The following WNK2 variants were observed in gnomAD, a reference collection of about 807,000 sequenced individuals.
WNK2 encodes the protein serine/threonine-protein kinase WNK2.
Under a neutral mutation model 192.1 loss-of-function variants are expected in WNK2, and 67 were observed. That is an observed-to-expected ratio of 0.35 (90% CI 0.29 to 0.43). The LOEUF (loss-of-function observed/expected upper bound fraction) is 0.43, where lower values mean the gene tolerates loss of function less well. WNK2 is among the 20% of genes least tolerant of loss of function. The pLI is 1.00. For missense variants in WNK2, 2,698 were observed against 3,089.7 expected, an observed-to-expected ratio of 0.87 and a Z score of 3.01; for synonymous variants, 1,439 against 1,393.9, an observed-to-expected ratio of 1.03 and a Z score of -0.72.
At position 93,292,574 on chromosome 9, in the gene WNK2, C is replaced by T. The variant is rs775933596; in HGVS notation, c.5109C>T (p.Pro1703=). 1.9e-6 allele frequency: 3 copies of T among 1,571,066 alleles called. No homozygotes were observed. The South Asian group carries it at 3.5e-5, about 19-fold the overall frequency. Reference sequence around the variant, plus strand: ...AAGCTGGAGAAAGCTCGGCAGAGCCCCCGCCGAGTGACATGGGCACAGTGG... The same window carrying T: ...AAGCTGGAGAAAGCTCGGCAGAGCCTCCGCCGAGTGACATGGGCACAGTGG... ...GGEAGESSAE[P]PPSDMGTVGG... is the part of the protein sequence containing the mutation. The change falls in exon 23 of 30, where the codon CCC becomes CCT. Residue 1703 remains proline (P), a synonymous_variant. Transcript: ENST00000427277.
chr9:93,289,300 A>G lies in WNK2; in HGVS notation c.4546A>G (p.Ser1516Gly). Reference sequence around the variant, plus strand: ...CAGCCTGGCCACCTCCCAGCTCCCAAGCCCACCCCTGGGGCCCACCGTCCC... The same window carrying G: ...CAGCCTGGCCACCTCCCAGCTCCCAGGCCCACCCCTGGGGCCCACCGTCCC... Reference protein sequence around the residue: ...AVSLATSQLPSPPLGPTVPPQ... With the variant: ...AVSLATSQLPGPPLGPTVPPQ... Residue 1516 changes from serine to glycine, a missense_variant, in exon 20 of 30, where the codon AGC becomes GGC. Ser to Gly is a moderately conservative substitution (Grantham distance 56). Transcript: ENST00000427277. 6.3e-7 allele frequency: 1 copy of G among 1,599,310 alleles called. No individual in the cohort carries two copies. Among genetic ancestry groups the G allele is most frequent in the Non-Finnish European group, 8.5e-7 (1 of 1,173,838 alleles).
chr9:93,317,354 C>T, intron 28 of WNK2, 166 bp from the exon 29 acceptor site: 1 of 658,286 alleles, frequency 1.5e-6, no homozygotes, highest in Non-Finnish European at 2.6e-6. Flanking sequence ...GTTCCTGGCC[C>T]CACACCATCA....
chr9:93,315,941 T>G (rs780790125), intron 28 of WNK2: 2 of 152,204 alleles, frequency 1.3e-5, no homozygotes, highest in Non-Finnish European at 2.9e-5. Flanking sequence ...CTTTAGCTAT[T>G]GCTTTAGATC....
chr9:93,258,127 C>T (rs994742446), intron 11 of WNK2, among the ~76,000 whole-genome samples: 1 of 152,192 alleles, frequency 6.6e-6, no homozygotes, highest in Non-Finnish European at 1.5e-5. Flanking sequence ...CTCGTTCAGA[C>T]AGACAGGAGT....
In WNK2 at chr9:93,238,227, T is replaced by G. The variant is rs747270099; in HGVS notation, c.1234-6T>G. 4.3e-6 allele frequency: 7 copies of G among 1,613,854 alleles called. No individual in the cohort carries two copies. The highest frequency in any genetic ancestry group is 5.9e-6 in the Non-Finnish European group (7 of 1,179,852). ...GGGTCAGGTAACTCTGCTCTCTCCCTGTCAGGGTATCAAGCCGGCCAGCTT... is the reference window on the plus strand; with the variant it reads ...GGGTCAGGTAACTCTGCTCTCTCCCGGTCAGGGTATCAAGCCGGCCAGCTT... On this transcript the variant is annotated splice_polypyrimidine_tract_variant and splice_region_variant and intron_variant, in intron 5 of 29. Transcript: ENST00000427277.
At chr9:93,208,466 T>C (rs940250521) in intron 2 of WNK2, among the ~76,000 whole-genome samples, 4 of 152,078 alleles carry the variant, frequency 2.6e-5, no homozygotes, top group African/African-American at 9.7e-5. Flanking sequence ...GTTTGCATGT[T>C]CTCCATGTGC....
At chr9:93,294,410 C>T (rs1849906448) in intron 23 of WNK2, among the ~76,000 whole-genome samples, 1 of 152,176 alleles carries the variant, frequency 6.6e-6, no homozygotes, top group South Asian at 2.1e-4. Flanking sequence ...CCCAACAGAT[C>T]CTTGGTGGAG....
Position 93,263,691 on chromosome 9 carries a change from C to G in WNK2, c.3536C>G (p.Ser1179Cys). 2 of 1,559,716 alleles carry G rather than the reference C, an allele frequency of 1.3e-6. No homozygotes were observed. Among genetic ancestry groups the G allele is most frequent in the Non-Finnish European group, 1.7e-6 (2 of 1,159,014 alleles). ...CACCGCAGGTCCACGCGTGCGCGCTCCCGGCAGGAGAGGGCCAGCCGGCCC... is the reference window on the plus strand; with the variant it reads ...CACCGCAGGTCCACGCGTGCGCGCTGCCGGCAGGAGAGGGCCAGCCGGCCC... ...KHHRRSTRAR[S>C]RQERASRPRL... Residue 1179 changes from serine (S) to cysteine (C), a missense_variant, in exon 15 of 30, where the codon TCC becomes TGC. Around this residue, in one of 7 missense-constraint regions of WNK2, gnomAD observed 893 missense variants for 909.0 expected, o/e 0.98. Coordinates refer to ENST00000427277, the MANE Select transcript of WNK2 (RefSeq NM_006648.4).
At chr9:93,214,786 G>A (rs1835442720) in intron 2 of WNK2, among the ~76,000 whole-genome samples, 2 of 144,594 alleles carry the variant, frequency 1.4e-5, no homozygotes, top group East Asian at 2.1e-4. Context: ...ATATGCCCAG[G>A]TGTGGCTTTC....
intron 2 of WNK2, among the ~76,000 whole-genome samples, chr9:93,188,817 T>C (rs1403615096): frequency 6.6e-6 from 1 of 152,092 alleles, no homozygotes; most frequent in Non-Finnish European, 1.5e-5. Flanking sequence ...TACAAGACCC[T>C]CCTCTAGGGG....
chr9:93,201,764 G>C (rs1331509056), intron 2 of WNK2, among the ~76,000 whole-genome samples: 1 of 152,226 alleles, frequency 6.6e-6, no homozygotes, highest in Admixed American at 6.5e-5. Context: ...TGGCCTGTCA[G>C]CCTCTGTAAA....
intron 2 of WNK2, among the ~76,000 whole-genome samples, chr9:93,199,635 A>G (rs1290447197): frequency 1.3e-5 from 2 of 152,178 alleles, no homozygotes; most frequent in East Asian, 3.9e-4. Flanking sequence ...GCGGTGGCTC[A>G]GGCCTGTAAT....
chr9:93,258,771 TCAA>T (rs1843710191), intron 11 of WNK2, among the ~76,000 whole-genome samples, 157 bp from the exon 12 acceptor site: 1 of 152,110 alleles, frequency 6.6e-6, no homozygotes. Flanking sequence ...TGGGTTCCCT[TCAA>T]CAGCAGCTAC....
intron 19 of WNK2, among the ~76,000 whole-genome samples, chr9:93,286,163 T>C (rs1848413337): frequency 6.6e-6 from 1 of 152,146 alleles, no homozygotes; most frequent in African/African-American, 2.4e-5. Context: ...TAAAAATTGG[T>C]TAAATTTGAC....
chr9:93,285,303 G>A (rs1235332477), intron 19 of WNK2, among the ~76,000 whole-genome samples: 4 of 152,130 alleles, frequency 2.6e-5, no homozygotes, highest in Admixed American at 6.5e-5. Flanking sequence ...ATAAGGATTG[G>A]AAAGGAAGAA....
intron 5 of WNK2, among the ~76,000 whole-genome samples, chr9:93,235,700 A>G (rs962791296): frequency 2.6e-5 from 4 of 152,202 alleles, no homozygotes; most frequent in Non-Finnish European, 5.9e-5. Flanking sequence ...TGTCCCTGAC[A>G]TGCGGCGTCT....
chr9:93,240,274 C>G (rs1840534700), intron 7 of WNK2, among the ~76,000 whole-genome samples: 1 of 152,186 alleles, frequency 6.6e-6, no homozygotes, highest in African/African-American at 2.4e-5. Context: ...CAGAGAGCAA[C>G]CCAGGACCTC....
intron 7 of WNK2, among the ~76,000 whole-genome samples, chr9:93,243,848 C>T (rs949472659): frequency 2.0e-5 from 3 of 152,230 alleles, no homozygotes; most frequent in Admixed American, 1.3e-4. Flanking sequence ...GGGGCTTCGC[C>T]GTGATGCAAT....
chr9:93,263,882 A>T, intron 15 of WNK2, 35 bp from the exon 16 acceptor site: 3 of 1,534,082 alleles, frequency 2.0e-6, no homozygotes, highest in Non-Finnish European at 2.6e-6. Context: ...ACGTGTGGGT[A>T]CGCCCGTGGT....
Sources: gnomAD v4.1 joint callset for allele counts (sites outside exome capture counted in the v4.1 genomes callset) on GRCh38, gnomAD v4.1.1 for gene constraint, gnomAD v4.1.1 regional missense constraint, MANE v1.5 for transcripts, NCBI Gene and HGNC (gene_info 2026-07-23, HGNC 2026-07-21) for gene names.